The following MORN1 variants were observed in gnomAD, a reference collection of about 807,000 sequenced individuals.
The protein encoded by MORN1 is MORN repeat containing 1.
A neutral mutation model predicts 61.9 loss-of-function variants in MORN1; 67 were observed. The observed-to-expected ratio is 1.08, with a 90% CI of 0.89 to 1.33. The LOEUF (loss-of-function observed/expected upper bound fraction) is 1.33, where lower values mean the gene tolerates loss of function less well. MORN1 is among the 40% of genes most tolerant of loss of function. The pLI is 0.00. For synonymous variants in MORN1, 301 were observed against 292.0 expected (o/e 1.03, Z -0.31); for missense variants, 752 against 691.2 (o/e 1.09, Z -0.99).
In MORN1 at chr1:2,337,051, G is replaced by C. The variant is rs1282407268; in HGVS notation, c.1037-201C>G. ...CCTCCGGCCGCCGACAGGGGAGGTGGGGGTCCTCCGTGTCCACGGCCTCTG... is the reference window on the plus strand; with the variant it reads ...CCTCCGGCCGCCGACAGGGGAGGTGCGGGTCCTCCGTGTCCACGGCCTCTG... On this transcript the variant is annotated intron_variant, in intron 10 of 13. Coordinates refer to ENST00000378531, the MANE Select transcript of MORN1 (RefSeq NM_024848.3). The surrounding 1 kb of genome is among the most constrained non-coding windows in gnomAD (Gnocchi z 5.7). Among the ~76,000 whole-genome samples, 2 of 152,018 alleles carry C rather than the reference G, an allele frequency of 1.3e-5. No individual in the cohort carries two copies.
At chr1:2,325,146 C>CCCTTCCTTCCCTCCCTT (rs1640988687) in intron 12 of MORN1, among the ~76,000 whole-genome samples, 1 of 19,408 alleles carries the variant, frequency 5.2e-5, no homozygotes, top group Non-Finnish European at 9.8e-5. Context: ...CTCCCTCCCT[C>CCCTTCCTTCCCTCCCTT]CCTTCCTTCC....
chr1:2,335,826 CAT>C (rs1641253972), intron 12 of MORN1, among the ~76,000 whole-genome samples: 2 of 150,306 alleles, frequency 1.3e-5, no homozygotes, highest in African/African-American at 5.1e-5. Context: ...TCCTCGCCTC[CAT>C]AGCCCAGCCC....
In MORN1 at chr1:2,371,908, C is replaced by CAAA. The variant is rs60972860; in HGVS notation, c.745+570_745+572dup. ...GGACAGCAAGAGTGAAACTCCATCT[C>CAAA]AAAAAAAAAAAAAAAAAGTTCAAAC... On this transcript the variant is annotated intron_variant, in intron 8 of 13. Transcript: ENST00000378531. 3.9e-3 allele frequency: 424 copies of CAAA among 108,026 alleles called. 2 individuals are homozygous for CAAA. The highest frequency in any genetic ancestry group is 0.015 in the African/African-American group (404 of 27,338). The allele number at this position is 108,026 out of a possible 1,614,324, so 6.7% of individuals were successfully genotyped here.
At chr1:2,351,703 G>T in intron 10 of MORN1, 1 of 464,930 alleles carries the variant, frequency 2.2e-6, no homozygotes, top group South Asian at 1.8e-5. Flanking sequence ...GCATTCTTTA[G>T]TTTCATCTTT....
At chr1:2,352,676 G>C (rs1279258769) in intron 10 of MORN1, 1 of 152,336 alleles carries the variant, frequency 6.6e-6, no homozygotes, top group Non-Finnish European at 1.5e-5. Flanking sequence ...GCCCAGACCT[G>C]GAGCTTCCAC....
chr1:2,322,425 G>T (rs149229890), intron 13 of MORN1: 10,260 of 985,364 alleles, frequency 0.01, 71 homozygotes, highest in Non-Finnish European at 0.011. Context: ...CTGGAAAACA[G>T]CGCTCCCCTC....
At position 2,334,204 on chromosome 1, in the gene MORN1, C is replaced by G. The variant is rs139755545; in HGVS notation, c.1250+2265G>C. 1.3e-5 allele frequency among the ~76,000 whole-genome samples: 2 copies of G among 151,628 alleles called. No individual in the cohort carries two copies. The highest frequency in any genetic ancestry group is 1.3e-4 in the Admixed American group (2 of 15,238). Reference sequence around the variant, plus strand: ...GGAAGAGGTCGTGAGGTCGACGCCCCGGTCAGCCACAGTTGAGGGCCTCTG... The same window carrying G: ...GGAAGAGGTCGTGAGGTCGACGCCCGGGTCAGCCACAGTTGAGGGCCTCTG... On this transcript the variant is annotated intron_variant, in intron 12 of 13. Coordinates refer to ENST00000378531, the MANE Select transcript of MORN1 (RefSeq NM_024848.3). The surrounding 1 kb of genome is among the most constrained non-coding windows in gnomAD (Gnocchi z 5.4).
At chr1:2,385,336 G>C in intron 5 of MORN1, 1 of 533,290 alleles carries the variant, frequency 1.9e-6, no homozygotes, top group South Asian at 2.1e-5. Context: ...AATGACCCAG[G>C]AGAGGCAACG....
Position 2,321,554 on chromosome 1 carries a change from G to T in MORN1, c.1323C>A (p.Asp441Glu). Residue 441 changes from aspartate to glutamate, a missense_variant, in exon 14 of 14, where the codon GAC becomes GAA. Transcript: ENST00000378531. ...GCCCCAGGAACGGCGGGGTGGTCAC[G>T]TCGCGGATCATGAGCACGTACTCCC... The part of the protein sequence containing the change: ...HLGEYVLMIR[D>E]VTTPPFLGRR... The T allele has an allele frequency of 9.9e-6, 15 of 1,519,460 alleles. No homozygotes were observed. The highest frequency in any genetic ancestry group is 1.3e-5 in the Non-Finnish European group (15 of 1,131,362). 94.1% of individuals were successfully genotyped at this position (1,519,460 alleles called of 1,614,324 possible). A position where few individuals can be genotyped will look rare whatever the true frequency, so the allele number is the denominator to read the frequency against.
intron 13 of MORN1, chr1:2,323,895 G>C: frequency 2.0e-6 from 2 of 984,956 alleles, no homozygotes; most frequent in South Asian, 9.4e-5. Context: ...TTTCTGGACC[G>C]TCCCCAGCCC....
intron 6 of MORN1, among the ~76,000 whole-genome samples, chr1:2,382,821 A>G (rs1250496678): frequency 6.6e-6 from 1 of 152,210 alleles, no homozygotes; most frequent in African/African-American, 2.4e-5. Context: ...CCCGTGGTCC[A>G]GCAAGGACAC....
In MORN1 at chr1:2,372,893, G is replaced by C. The variant is rs942698861; in HGVS notation, c.635-302C>G. ...CAAGTGGGCGGTGTGGGGCTGTTGG[G>C]TTTTCCTGCCCGTGGAATGTTCCCG... On this transcript the variant is annotated intron_variant, in intron 7 of 13. Transcript: ENST00000378531. This position sits in a 1 kb window ranked among gnomAD's most constrained non-coding sequence, Gnocchi z 5.4. Among the ~76,000 whole-genome samples, 4 of 152,248 alleles carry C rather than the reference G, an allele frequency of 2.6e-5. No individual in the cohort carries two copies. The highest frequency in any genetic ancestry group is 5.9e-5 in the Non-Finnish European group (4 of 68,046).
intron 12 of MORN1, among the ~76,000 whole-genome samples, chr1:2,335,083 A>G (rs1331233669): frequency 2.0e-5 from 3 of 152,336 alleles, no homozygotes; most frequent in East Asian, 1.9e-4. Context: ...AGTGAGTTTC[A>G]TATTTAATTC....
Position 2,344,495 on chromosome 1 carries a change from C to T in MORN1, c.1037-7645G>A, listed in dbSNP as rs562561810. Among the ~76,000 whole-genome samples, 54 of 152,268 alleles carry T rather than the reference C, an allele frequency of 3.5e-4. No individual in the cohort carries two copies. The South Asian group carries it at 9.3e-3, about 26-fold the overall frequency. On this transcript the variant is annotated intron_variant, in intron 10 of 13. Coordinates refer to ENST00000378531, the MANE Select transcript of MORN1 (RefSeq NM_024848.3). The stretch of plus-strand genomic sequence containing the variant: ...GGACGGGGTGTGGGGTGCAGGAGCC[C>T]CAAGGCCGATGCTGCTGAGGAGGCC...
intron 12 of MORN1, among the ~76,000 whole-genome samples, chr1:2,325,246 C>T (rs1021403406): frequency 8.1e-6 from 1 of 122,834 alleles, no homozygotes; most frequent in Non-Finnish European, 1.7e-5. Flanking sequence ...TTCTTCCTCT[C>T]TCTCTCTCCT....
At chr1:2,348,040 C>T (rs1488047314) in intron 10 of MORN1, among the ~76,000 whole-genome samples, 6 of 152,114 alleles carry the variant, frequency 3.9e-5, no homozygotes, top group South Asian at 2.1e-4. Flanking sequence ...TGGGCTTCCC[C>T]GTGGCCCAGT....
Position 2,357,674 on chromosome 1 carries a change from G to A in MORN1, c.870-76C>T, listed in dbSNP as rs1557880440. Reference sequence around the variant, plus strand: ...GGTGCAGGCAGACAGCGTGGCCCACGCCCTGGACCCTGGGACTTGCCTACA... The same window carrying A: ...GGTGCAGGCAGACAGCGTGGCCCACACCCTGGACCCTGGGACTTGCCTACA... On this transcript the variant is annotated intron_variant, in intron 9 of 13. Transcript: ENST00000378531. The surrounding 1 kb of genome is among the most constrained non-coding windows in gnomAD (Gnocchi z 6.3). The A allele has an allele frequency of 4.7e-6, 7 of 1,486,602 alleles. No individual in the cohort carries two copies. The highest frequency in any genetic ancestry group is 1.4e-5 in the South Asian group (1 of 73,386). The allele number at this position is 1,486,602 out of a possible 1,614,324, so 92.1% of individuals were successfully genotyped here. A position where few individuals can be genotyped will look rare whatever the true frequency, so the allele number is the denominator to read the frequency against.
chr1:2,342,876 AT>A (rs796425567), intron 10 of MORN1, among the ~76,000 whole-genome samples: 2,319 of 90,778 alleles, frequency 0.026, 37 homozygotes, highest in African/African-American at 0.047. Flanking sequence ...TATTTATTTT[AT>A]TTTATTTTAT....
intron 9 of MORN1, among the ~76,000 whole-genome samples, chr1:2,358,269 C>T (rs1347711718): frequency 6.6e-6 from 1 of 152,118 alleles, no homozygotes; most frequent in East Asian, 1.9e-4. Flanking sequence ...GCCGACCCTC[C>T]TCCCAGGAGC....
Sources: allele counts gnomAD v4.1 joint callset (sites outside exome capture counted in the v4.1 genomes callset), GRCh38; gene constraint gnomAD v4.1.1; non-coding constraint Gnocchi (gnomAD v3.1); transcripts MANE v1.5; gene names NCBI Gene and HGNC (gene_info 2026-07-23, HGNC 2026-07-21).